Variants in CNTN3 observed in about 807,000 individuals in gnomAD.
CNTN3 encodes the protein contactin 3.
Under a neutral mutation model 119.1 loss-of-function variants are expected in CNTN3, and 60 were observed. The ratio of observed to expected loss-of-function variants is 0.50; its 90% confidence interval spans 0.41 to 0.62. The LOEUF (loss-of-function observed/expected upper bound fraction) is 0.62. Among genes scored for constraint, CNTN3 ranks in the 20% least tolerant of loss-of-function variants. The pLI, the probability that CNTN3 is intolerant of heterozygous loss-of-function variation, is 0.00. For missense variants in CNTN3, 1,101 were observed against 1,242.4 expected (o/e 0.89, Z 1.71); for synonymous variants, 450 against 438.7 (o/e 1.03, Z -0.32).
intron 11 of CNTN3, among the ~76,000 whole-genome samples, chr3:74,350,678 C>T (rs1164270666): frequency 6.6e-6 from 1 of 151,994 alleles, no homozygotes; most frequent in Admixed American, 6.6e-5. Flanking sequence ...CCTAGTTGCC[C>T]ATGAACAGTG....
intron 4 of CNTN3, among the ~76,000 whole-genome samples, chr3:74,448,265 T>C (rs1443926735): frequency 6.6e-6 from 1 of 152,160 alleles, no homozygotes; most frequent in African/African-American, 2.4e-5. Flanking sequence ...AACAAGTAGA[T>C]AAGTTTCTTT....
chr3:74,600,001 T>C (rs936784144), intron 1 of CNTN3, among the ~76,000 whole-genome samples: 5 of 152,040 alleles, frequency 3.3e-5, no homozygotes, highest in African/African-American at 7.2e-5. Flanking sequence ...GGCATAAATG[T>C]AGGGCAATGA....
At chr3:74,351,540 C>T (rs1474995532) in intron 11 of CNTN3, among the ~76,000 whole-genome samples, 5 of 152,206 alleles carry the variant, frequency 3.3e-5, no homozygotes, top group Non-Finnish European at 7.3e-5. Context: ...ATGCTTTGCC[C>T]TTTCCATATG....
intron 11 of CNTN3, among the ~76,000 whole-genome samples, chr3:74,355,239 AC>A (rs1251017692): frequency 6.6e-6 from 1 of 151,872 alleles, no homozygotes; most frequent in Non-Finnish European, 1.5e-5. Context: ...TTTATCCTCG[AC>A]TCCTGTCTTC....
chr3:74,572,517 A>C (rs917644208), intron 1 of CNTN3, among the ~76,000 whole-genome samples: 5 of 152,166 alleles, frequency 3.3e-5, no homozygotes, highest in African/African-American at 1.2e-4. Flanking sequence ...AAAAGAAAAA[A>C]GGAAAACGCA....
intron 13 of CNTN3, among the ~76,000 whole-genome samples, chr3:74,314,276 T>A (rs772290692): frequency 3.3e-5 from 5 of 152,054 alleles, no homozygotes. Context: ...AATAGAAAAC[T>A]GTAAGAAATA....
intron 9 of CNTN3, 26 bp downstream of exon 9, chr3:74,365,540 C>T: frequency 1.2e-6 from 2 of 1,612,780 alleles, no homozygotes; most frequent in African/African-American, 1.3e-5. Flanking sequence ...GGCCTCTAAA[C>T]CCATTTTAGG....
chr3:74,366,942 T>C (rs569108782), intron 8 of CNTN3, among the ~76,000 whole-genome samples: 12 of 147,294 alleles, frequency 8.1e-5, no homozygotes, highest in Non-Finnish European at 1.5e-4. Flanking sequence ...CAGCCTCTTA[T>C]AGAGACCCGA....
At chr3:74,337,495 C>G (rs529132173) in intron 11 of CNTN3, among the ~76,000 whole-genome samples, 1 of 152,156 alleles carries the variant, frequency 6.6e-6, no homozygotes, top group African/African-American at 2.4e-5. Flanking sequence ...ACTTGCAGTT[C>G]CACGTGGCTG....
chr3:74,484,082 T>C (rs918965483), intron 4 of CNTN3, among the ~76,000 whole-genome samples: 2 of 152,098 alleles, frequency 1.3e-5, no homozygotes, highest in African/African-American at 4.8e-5. Flanking sequence ...TAGAGGAATG[T>C]ATGTATCACT....
chr3:74,377,041 TC>T (rs1428823401), intron 5 of CNTN3, among the ~76,000 whole-genome samples: 1 of 152,062 alleles, frequency 6.6e-6, no homozygotes, highest in Non-Finnish European at 1.5e-5. Flanking sequence ...GTTGAGGTAT[TC>T]CAAAAGAGAT....
intron 1 of CNTN3, among the ~76,000 whole-genome samples, chr3:74,612,427 G>T (rs894106856): frequency 1.3e-5 from 2 of 152,158 alleles, no homozygotes; most frequent in South Asian, 4.1e-4. Context: ...TGGTTGTGTT[G>T]TGAAGAATAT....
At chr3:74,327,540 G>T (rs991046049) in intron 13 of CNTN3, among the ~76,000 whole-genome samples, 1 of 152,058 alleles carries the variant, frequency 6.6e-6, no homozygotes, top group African/African-American at 2.4e-5. Context: ...ATCTTGGTAG[G>T]TTTTGTTCAT....
intron 20 of CNTN3, 72 bp from the exon 21 acceptor site, chr3:74,267,450 G>T: frequency 9.6e-7 from 1 of 1,036,902 alleles, no homozygotes; most frequent in Non-Finnish European, 1.5e-6. Context: ...GGAGATGGCG[G>T]CTATCATAGG....
intron 13 of CNTN3, among the ~76,000 whole-genome samples, chr3:74,320,200 T>C (rs543074339): frequency 6.6e-4 from 101 of 152,324 alleles, no homozygotes; most frequent in Admixed American, 4.0e-3. Flanking sequence ...ATCATGCTGC[T>C]ATAAAGACAC....
intron 5 of CNTN3, among the ~76,000 whole-genome samples, chr3:74,404,972 AT>A (rs970594331): frequency 1.3e-5 from 2 of 151,954 alleles, no homozygotes; most frequent in Admixed American, 6.6e-5. Context: ...CTCTAAAAAA[AT>A]CTCCATAGAC....
chr3:74,609,270 G>C (rs531396395), intron 1 of CNTN3, among the ~76,000 whole-genome samples: 1 of 152,296 alleles, frequency 6.6e-6, no homozygotes, highest in Admixed American at 6.5e-5. Context: ...GTGACCCAAG[G>C]GGTCGGCCTC....
At chr3:74,414,095 A>G (rs1701481989) in intron 5 of CNTN3, among the ~76,000 whole-genome samples, 1 of 152,164 alleles carries the variant, frequency 6.6e-6, no homozygotes, top group Non-Finnish European at 1.5e-5. Context: ...CCCACCAGCT[A>G]CTCCACACCT....
intron 13 of CNTN3, among the ~76,000 whole-genome samples, chr3:74,328,371 G>A (rs1386882547): frequency 1.3e-5 from 2 of 152,110 alleles, no homozygotes; most frequent in Non-Finnish European, 2.9e-5. Flanking sequence ...GGTTTGCCAT[G>A]AATTATTCTT....
Sources: gnomAD v4.1 joint callset for allele counts (sites outside exome capture counted in the v4.1 genomes callset) on GRCh38, gnomAD v4.1.1 for gene constraint, MANE v1.5 for transcripts, NCBI Gene and HGNC (gene_info 2026-07-23, HGNC 2026-07-21) for gene names.